PARD3: variants seen among roughly 807,000 people sequenced by gnomAD.
PARD3 encodes the protein par-3 family cell polarity regulator, also known as partitioning defective 3 homolog.
PARD3 carries 75 observed loss-of-function variants against 155.4 expected under a neutral mutation model. The ratio of observed to expected loss-of-function variants is 0.48; its 90% CI spans 0.40 to 0.58. The LOEUF (loss-of-function observed/expected upper bound fraction) is 0.58. PARD3 is among the 20% of genes least tolerant of loss of function. The pLI, the probability that PARD3 is intolerant of heterozygous loss-of-function variation, is 0.00. For synonymous variants in PARD3, 576 were observed against 610.5 expected (o/e 0.94, Z 0.83); for missense variants, 1,642 against 1,721.7 (o/e 0.95, Z 0.82).
At chr10:34,419,565 G>A (rs1845997963) in intron 5 of PARD3, among the ~76,000 whole-genome samples, 1 of 152,094 alleles carries the variant, frequency 6.6e-6, no homozygotes, top group South Asian at 2.1e-4. Flanking sequence ...CATTATTTAA[G>A]GCAAGGAAAA....
chr10:34,736,475 C>T (rs996758062), intron 1 of PARD3, among the ~76,000 whole-genome samples: 2 of 151,794 alleles, frequency 1.3e-5, no homozygotes, highest in African/African-American at 4.8e-5. Context: ...AACACAGACA[C>T]ATGCCACCAC....
chr10:34,427,494 G>A (rs1360582262), intron 5 of PARD3, among the ~76,000 whole-genome samples: 1 of 152,166 alleles, frequency 6.6e-6, no homozygotes, highest in African/African-American at 2.4e-5. Flanking sequence ...ACCCTGTTAA[G>A]ATGTTTATCA....
chr10:34,802,447 A>C lies in PARD3; in HGVS notation c.120+12429T>G, dbSNP rs76541533. ...AGATCTAATACTGACAGAATCTATT[A>C]CATGAAAGGGGCATTGTCTACAGTG... is the stretch of plus-strand genomic sequence containing the variant. On this transcript the variant is annotated intron_variant, in intron 1 of 24. Coordinates refer to ENST00000374788, the MANE Select transcript of PARD3 (RefSeq NM_001184785.2). 7.1e-4 allele frequency among the ~76,000 whole-genome samples: 108 copies of C among 152,364 alleles called. 2 individuals are homozygous for C. The East Asian group carries it at 0.021, about 29-fold the overall frequency.
intron 22 of PARD3, among the ~76,000 whole-genome samples, chr10:34,182,348 G>A (rs913763642): frequency 6.6e-5 from 10 of 152,214 alleles, no homozygotes; most frequent in Admixed American, 2.0e-4. Flanking sequence ...TAGTTAACTC[G>A]AAAGTAACAT....
chr10:34,457,125 T>C (rs556193136), intron 4 of PARD3, among the ~76,000 whole-genome samples: 21 of 152,296 alleles, frequency 1.4e-4, no homozygotes, highest in African/African-American at 5.1e-4. Context: ...TTAACGGTCT[T>C]ATCAAACAAG....
chr10:34,484,074 A>T (rs1450485711), intron 3 of PARD3, among the ~76,000 whole-genome samples: 1 of 152,232 alleles, frequency 6.6e-6, no homozygotes, highest in African/African-American at 2.4e-5. Context: ...TTTAACAGCA[A>T]AATCACCAGC....
At chr10:34,602,363 A>C (rs1239930500) in intron 2 of PARD3, among the ~76,000 whole-genome samples, 1 of 152,186 alleles carries the variant, frequency 6.6e-6, no homozygotes, top group African/African-American at 2.4e-5. Context: ...CTTTCACTGA[A>C]TTTCTCTTCT....
intron 2 of PARD3, among the ~76,000 whole-genome samples, chr10:34,580,367 T>A (rs896412549): frequency 2.0e-5 from 3 of 149,854 alleles, no homozygotes; most frequent in South Asian, 2.1e-4. Flanking sequence ...AAAAAAAAAA[T>A]AAAAAGTAAA....
chr10:34,226,699 T>C (rs1588849119), intron 22 of PARD3, among the ~76,000 whole-genome samples: 2 of 152,106 alleles, frequency 1.3e-5, no homozygotes, highest in Non-Finnish European at 2.9e-5. Context: ...ACTTAGCAAA[T>C]AACTCTGCAA....
At chr10:34,401,787 T>C in intron 6 of PARD3, 39 bp downstream of exon 6, 2 of 1,225,652 alleles carry the variant, frequency 1.6e-6, no homozygotes, top group South Asian at 1.2e-5. Context: ...TGATGCTACA[T>C]GTATACTGCA....
At chr10:34,133,049 G>A (rs968449661) in intron 22 of PARD3, among the ~76,000 whole-genome samples, 1 of 152,198 alleles carries the variant, frequency 6.6e-6, no homozygotes. Flanking sequence ...CCATCCCACT[G>A]AGAGCCACCT....
rs189854542 is a variant in PARD3 at position 34,688,804 on chromosome 10, C to A, written c.222+7514G>T. 1.4e-3 allele frequency among the ~76,000 whole-genome samples: 220 copies of A among 152,248 alleles called. 1 individual carries two copies. Among genetic ancestry groups the A allele is most frequent in the African/African-American group, 5.2e-3 (217 of 41,554 alleles). On this transcript the variant is annotated intron_variant, in intron 2 of 24. Transcript: ENST00000374788. ...AAATTAGGGGTAATTTAGTACTTGA[C>A]TTTAATTTTCTTTTGCTATCATTTA...
At chr10:34,618,188 GTATT>G (rs1386291822) in intron 2 of PARD3, among the ~76,000 whole-genome samples, 2 of 152,136 alleles carry the variant, frequency 1.3e-5, no homozygotes. Context: ...AAACATAGCT[GTATT>G]TATTAAGTGT....
intron 12 of PARD3, among the ~76,000 whole-genome samples, chr10:34,367,628 T>C (rs1171197420): frequency 1.3e-5 from 2 of 152,114 alleles, no homozygotes; most frequent in African/African-American, 2.4e-5. Context: ...TGCTTGAGCC[T>C]GGGCGAGAAG....
At chr10:34,541,505 A>T (rs2083609130) in intron 2 of PARD3, among the ~76,000 whole-genome samples, 1 of 152,082 alleles carries the variant, frequency 6.6e-6, no homozygotes, top group South Asian at 2.1e-4. Flanking sequence ...CTTGTACAAA[A>T]CCCTGAAGCC....
chr10:34,195,401 T>C (rs1248086234), intron 22 of PARD3, among the ~76,000 whole-genome samples: 3 of 150,896 alleles, frequency 2.0e-5, no homozygotes, highest in Non-Finnish European at 4.4e-5. Context: ...ACAATGCACA[T>C]GCACAGAACG....
At chr10:34,211,615 T>C (rs1220477865) in intron 22 of PARD3, among the ~76,000 whole-genome samples, 1 of 151,792 alleles carries the variant, frequency 6.6e-6, no homozygotes, top group African/African-American at 2.4e-5. Flanking sequence ...AACCTCGTCT[T>C]CTAAAAATAC....
chr10:34,629,174 A>G (rs1400162191), intron 2 of PARD3, among the ~76,000 whole-genome samples: 1 of 152,242 alleles, frequency 6.6e-6, no homozygotes, highest in East Asian at 1.9e-4. Context: ...CACTGTGGAC[A>G]TCTATTTTAA....
chr10:34,218,016 G>A (rs909484645), intron 22 of PARD3, among the ~76,000 whole-genome samples: 1 of 152,104 alleles, frequency 6.6e-6, no homozygotes, highest in Non-Finnish European at 1.5e-5. Flanking sequence ...TGTGACCGAT[G>A]CCAGAATACT....
Sources: allele counts gnomAD v4.1 joint callset (sites outside exome capture counted in the v4.1 genomes callset), GRCh38; gene constraint gnomAD v4.1.1; transcripts MANE v1.5; gene names NCBI Gene and HGNC (gene_info 2026-07-23, HGNC 2026-07-21).